The following SVEP1 variants were observed in gnomAD, a reference collection of about 807,000 sequenced individuals.
SVEP1 encodes sushi, von Willebrand factor type A, EGF and pentraxin domain-containing protein 1.
A neutral mutation model predicts 367.3 loss-of-function variants in SVEP1; 164 were observed. The ratio of observed to expected loss-of-function variants is 0.45; its 90% confidence interval spans 0.39 to 0.51. The LOEUF (loss-of-function observed/expected upper bound fraction) is 0.51, where lower values mean the gene tolerates loss of function less well. Among genes scored for constraint, SVEP1 ranks in the 20% least tolerant of loss-of-function variants. The probability of loss-of-function intolerance (pLI) is 0.00; values close to 1 mark genes in which losing one functional copy is unlikely to be tolerated. For missense variants in SVEP1, 4,117 were observed against 4,425.3 expected (o/e 0.93, Z 1.98); for synonymous variants, 1,666 against 1,611.6 (o/e 1.03, Z -0.81).
intron 5 of SVEP1, among the ~76,000 whole-genome samples, chr9:110,510,020 A>G (rs748091947): frequency 1.8e-4 from 28 of 152,186 alleles, no homozygotes; most frequent in Non-Finnish European, 3.1e-4. Flanking sequence ...GGAAGGCAGA[A>G]GTGAGGAAGT....
chr9:110,497,456 G>T (rs529411279), intron 7 of SVEP1, among the ~76,000 whole-genome samples: 2 of 152,164 alleles, frequency 1.3e-5, no homozygotes, highest in African/African-American at 2.4e-5. Context: ...TCCCCCAATA[G>T]AATTTAAGTT....
chr9:110,444,588 CTG>C (rs902439420), intron 26 of SVEP1, among the ~76,000 whole-genome samples: 3 of 152,090 alleles, frequency 2.0e-5, no homozygotes, highest in African/African-American at 7.2e-5. Context: ...TTTCCAATAA[CTG>C]TGTCATTCAG....
At chr9:110,512,662 G>C in intron 5 of SVEP1, 1 of 482,290 alleles carries the variant, frequency 2.1e-6, no homozygotes, top group South Asian at 2.1e-5. Flanking sequence ...GAAATTTGAG[G>C]TTTGGGGTAA....
chr9:110,551,740 G>C (rs1830289443), intron 1 of SVEP1, among the ~76,000 whole-genome samples: 1 of 152,156 alleles, frequency 6.6e-6, no homozygotes, highest in African/African-American at 2.4e-5. Flanking sequence ...TGCTTGGTAA[G>C]TGTGAAATTT....
At chr9:110,423,163 TAAAG>T (rs1295160625) in intron 36 of SVEP1, among the ~76,000 whole-genome samples, 1 of 59,930 alleles carries the variant, frequency 1.7e-5, no homozygotes, top group African/African-American at 6.8e-5. Flanking sequence ...AATAAAAAAA[TAAAG>T]TAAAAAAAAA....
chr9:110,414,094 GAA>G (rs1828083445), intron 36 of SVEP1, among the ~76,000 whole-genome samples: 1 of 152,004 alleles, frequency 6.6e-6, no homozygotes, highest in South Asian at 2.1e-4. Context: ...TGAAAGTGAA[GAA>G]GGTTAGATCA....
chr9:110,377,809 A>G (rs537120283), intron 44 of SVEP1, among the ~76,000 whole-genome samples: 1 of 151,982 alleles, frequency 6.6e-6, no homozygotes, highest in Admixed American at 6.5e-5. Flanking sequence ...GGACATTAGA[A>G]CTCCAGAACT....
chr9:110,478,163 A>G (rs766026896), intron 13 of SVEP1, among the ~76,000 whole-genome samples: 2 of 152,120 alleles, frequency 1.3e-5, no homozygotes, highest in Admixed American at 6.6e-5. Context: ...CTTCCCCTAG[A>G]TATGCTCGTG....
intron 32 of SVEP1, among the ~76,000 whole-genome samples, chr9:110,430,675 C>G (rs1267085104): frequency 1.3e-5 from 2 of 152,194 alleles, no homozygotes; most frequent in African/African-American, 4.8e-5. Context: ...TTCCTAACAA[C>G]AATATACATA....
At chr9:110,489,218 A>C (rs753988819) in intron 9 of SVEP1, among the ~76,000 whole-genome samples, 9 of 152,202 alleles carry the variant, frequency 5.9e-5, no homozygotes, top group African/African-American at 1.9e-4. Context: ...ATAAAGGAGA[A>C]GTGGTCTCTG....
rs758509697 is a variant in SVEP1, at chr9:110,427,581, C to T, written c.5975+10G>A. 2 of 1,610,232 alleles carry T rather than the reference C, an allele frequency of 1.2e-6. No individual in the cohort carries two copies. Among genetic ancestry groups the T allele is most frequent in the African/African-American group, 1.3e-5 (1 of 74,882 alleles). ...TCTCAATGATCCTTTCCTTCACAGGCCCTACTCACCCTTCTTTGCAAGTGT... is the reference window on the plus strand; with the variant it reads ...TCTCAATGATCCTTTCCTTCACAGGTCCTACTCACCCTTCTTTGCAAGTGT... On this transcript the variant is annotated intron_variant, in intron 36 of 47. Transcript: ENST00000374469.
chr9:110,575,364 C>T (rs1394515265), intron 1 of SVEP1, among the ~76,000 whole-genome samples: 2 of 152,134 alleles, frequency 1.3e-5, no homozygotes, highest in Non-Finnish European at 2.9e-5. Context: ...CTGGCCAAGC[C>T]AAACAGAGGA....
intron 1 of SVEP1, among the ~76,000 whole-genome samples, chr9:110,578,327 C>T (rs562249672): frequency 1.1e-4 from 16 of 151,704 alleles, no homozygotes; most frequent in Admixed American, 7.2e-4. Context: ...TGTTCAACAA[C>T]CTGCAAACAG....
At chr9:110,502,521 C>T (rs1003031667) in intron 6 of SVEP1, among the ~76,000 whole-genome samples, 3 of 152,068 alleles carry the variant, frequency 2.0e-5, no homozygotes, top group Non-Finnish European at 1.5e-5. Context: ...AGTTCTTTTT[C>T]ATTTACTTAA....
At position 110,413,559 on chromosome 9, in the gene SVEP1, TAAAAG is replaced by T. The variant is rs967892891; in HGVS notation, c.5976-1829_5976-1825del. Among the ~76,000 whole-genome samples, 6 of 151,478 alleles carry T rather than the reference TAAAAG, an allele frequency of 4.0e-5. 1 individual carries two copies. Among genetic ancestry groups the T allele is most frequent in the Admixed American group, 2.0e-4 (3 of 15,228 alleles). On this transcript the variant is annotated intron_variant, in intron 36 of 47. Coordinates refer to ENST00000374469, the MANE Select transcript of SVEP1 (RefSeq NM_153366.4). ...AGTATAATAATAAAATAAAATAAAA[TAAAAG>T]GTGTCTTCTGCATATGGCTCTGCTA...
intron 9 of SVEP1, among the ~76,000 whole-genome samples, chr9:110,488,235 G>C (rs930442722): frequency 2.6e-5 from 4 of 152,250 alleles, no homozygotes; most frequent in Non-Finnish European, 4.4e-5. Context: ...GTTTAGGTGA[G>C]TTTGAAATGC....
intron 12 of SVEP1, among the ~76,000 whole-genome samples, chr9:110,480,674 C>A (rs1263703594): frequency 6.6e-6 from 1 of 151,924 alleles, no homozygotes; most frequent in Non-Finnish European, 1.5e-5. Flanking sequence ...TTCTGTCACC[C>A]AAGCTGAAGT....
chr9:110,415,253 G>A (rs1828101631), intron 36 of SVEP1, among the ~76,000 whole-genome samples: 1 of 152,032 alleles, frequency 6.6e-6, no homozygotes, highest in Admixed American at 6.5e-5. Context: ...AAGCTTAAGA[G>A]TGGATCTTGC....
Position 110,546,183 on chromosome 9 carries a change from T to C in SVEP1, c.896A>G (p.His299Arg), listed in dbSNP as rs373936320. Residue 299 changes from histidine to arginine, a missense_variant, in exon 3 of 48, where the codon CAC (histidine) becomes CGC (arginine). By Grantham distance (29) the His-to-Arg change is conservative. Transcript: ENST00000374469. ...DRMGSCKCGT[H>R]TGHFECICEK... ...ACAGATGCACTCAAAATGGCCTGTG[T>C]GTGTCCCACATTTGCAGCTTCCCAT... 1.3e-6 allele frequency: 2 copies of C among 1,562,496 alleles called. No individual in the cohort carries two copies. Among genetic ancestry groups the C allele is most frequent in the Non-Finnish European group, 1.7e-6 (2 of 1,152,682 alleles).
Sources: gnomAD v4.1 joint callset for allele counts (sites outside exome capture counted in the v4.1 genomes callset) on GRCh38, gnomAD v4.1.1 for gene constraint, MANE v1.5 for transcripts, NCBI Gene and HGNC (gene_info 2026-07-23, HGNC 2026-07-21) for gene names.